PDE10A: variants seen among roughly 807,000 people sequenced by gnomAD.
PDE10A encodes cAMP and cAMP-inhibited cGMP 3',5'-cyclic phosphodiesterase 10A.
Under a neutral mutation model 97.7 loss-of-function variants are expected in PDE10A, and 39 were observed. That is an observed-to-expected ratio of 0.40 (90% confidence interval 0.31 to 0.52). The LOEUF (loss-of-function observed/expected upper bound fraction) is 0.52. Ranked by LOEUF, PDE10A falls within the 20% of genes least tolerant of loss-of-function variation. The pLI, the probability that PDE10A is intolerant of heterozygous loss-of-function variation, is 0.56. For synonymous variants in PDE10A, 371 were observed against 376.8 expected (o/e 0.98, Z 0.18); for missense variants, 731 against 1,047.8 (o/e 0.70, Z 4.17).
intron 1 of PDE10A, among the ~76,000 whole-genome samples, chr6:165,674,215 G>A (rs1186406248): frequency 1.3e-5 from 2 of 152,008 alleles, no homozygotes; most frequent in Non-Finnish European, 2.9e-5. Flanking sequence ...TAAAATGGAA[G>A]CATGGAAACA....
At chr6:165,446,503 G>A (rs985144334) in intron 5 of PDE10A, among the ~76,000 whole-genome samples, 3 of 152,086 alleles carry the variant, frequency 2.0e-5, no homozygotes, top group Non-Finnish European at 4.4e-5. Flanking sequence ...TGCATAAAGG[G>A]CAAAATAGAG....
chr6:165,736,415 C>T (rs1440557180), intron 1 of PDE10A, among the ~76,000 whole-genome samples: 2 of 152,024 alleles, frequency 1.3e-5, no homozygotes, highest in African/African-American at 2.4e-5. Flanking sequence ...TGATGTCTCC[C>T]AAGCTCAGTG....
At chr6:165,392,099 C>T (rs1785762708) in intron 16 of PDE10A, among the ~76,000 whole-genome samples, 1 of 152,200 alleles carries the variant, frequency 6.6e-6, no homozygotes, top group African/African-American at 2.4e-5. Context: ...AAGTAAGGGA[C>T]TTTGACTGTG....
intron 1 of PDE10A, among the ~76,000 whole-genome samples, chr6:165,801,696 A>G (rs572851531): frequency 6.6e-6 from 1 of 152,330 alleles, no homozygotes; most frequent in Admixed American, 6.5e-5. Context: ...TTTCTAGTTA[A>G]TTCTCAGTAT....
At chr6:165,981,917 T>A (rs1337309020) in intron 1 of PDE10A, among the ~76,000 whole-genome samples, 1 of 152,198 alleles carries the variant, frequency 6.6e-6, no homozygotes, top group African/African-American at 2.4e-5. Context: ...GAAAGATCAA[T>A]CCAGCTGATG....
intron 2 of PDE10A, among the ~76,000 whole-genome samples, chr6:165,516,728 T>C (rs1176185114): frequency 6.6e-6 from 1 of 152,162 alleles, no homozygotes; most frequent in Non-Finnish European, 1.5e-5. Context: ...CCAAACAAAA[T>C]CACTAGGGAA....
chr6:165,552,218 C>T (rs1784052803), intron 1 of PDE10A, among the ~76,000 whole-genome samples: 1 of 152,194 alleles, frequency 6.6e-6, no homozygotes, highest in African/African-American at 2.4e-5. Flanking sequence ...GCCTCTTCAG[C>T]TAGACTATAA....
At chr6:165,898,844 G>T (rs1415067552) in intron 1 of PDE10A, among the ~76,000 whole-genome samples, 1 of 152,080 alleles carries the variant, frequency 6.6e-6, no homozygotes, top group Non-Finnish European at 1.5e-5. Flanking sequence ...TCCTCACTCG[G>T]CCAAGTGCTG....
intron 1 of PDE10A, among the ~76,000 whole-genome samples, chr6:165,846,884 G>A (rs1024011878): frequency 6.6e-6 from 1 of 152,148 alleles, no homozygotes; most frequent in Non-Finnish European, 1.5e-5. Flanking sequence ...CTTCTCTCAC[G>A]AAGCTCTCAG....
In PDE10A at chr6:165,478,882, T is replaced by C. The variant is rs137884932; in HGVS notation, c.1023+3433A>G. ...TCTGATAATAACTCTTTCAACTAAT[T>C]GCCCATCAGAAAATTTTTGAATCCG... On this transcript the variant is annotated intron_variant, in intron 3 of 21. Coordinates refer to ENST00000539869, the MANE Select transcript of PDE10A (RefSeq NM_001385079.1). Among the ~76,000 whole-genome samples, 905 of 152,340 alleles carry C rather than the reference T, an allele frequency of 5.9e-3. 8 individuals carry two copies. Among genetic ancestry groups the C allele is most frequent in the Middle Eastern group, 0.024 (7 of 294 alleles).
intron 1 of PDE10A, among the ~76,000 whole-genome samples, chr6:165,853,339 A>C (rs1318781147): frequency 6.6e-6 from 1 of 152,240 alleles, no homozygotes; most frequent in Non-Finnish European, 1.5e-5. Flanking sequence ...AGTTACATAA[A>C]GGATTTGATG....
intron 1 of PDE10A, among the ~76,000 whole-genome samples, chr6:165,648,509 G>A (rs1789521948): frequency 6.6e-6 from 1 of 151,984 alleles, no homozygotes; most frequent in African/African-American, 2.4e-5. Flanking sequence ...ATGGCATTTG[G>A]AAAACGTTTA....
At chr6:165,719,088 TC>T (rs1184444401) in intron 1 of PDE10A, among the ~76,000 whole-genome samples, 1 of 151,424 alleles carries the variant, frequency 6.6e-6, no homozygotes, top group Admixed American at 6.6e-5. Flanking sequence ...TTGAAGAAAT[TC>T]CCCAGAAAAT....
At chr6:165,610,347 T>C (rs955531732) in intron 1 of PDE10A, among the ~76,000 whole-genome samples, 1 of 151,942 alleles carries the variant, frequency 6.6e-6, no homozygotes, top group Non-Finnish European at 1.5e-5. Context: ...ATCGAGACCA[T>C]GGTGAAACCC....
chr6:165,387,207 C>G (rs751822125), intron 17 of PDE10A, among the ~76,000 whole-genome samples: 1 of 152,190 alleles, frequency 6.6e-6, no homozygotes, highest in Non-Finnish European at 1.5e-5. Context: ...TTGAAAATGA[C>G]TCAAATAGCT....
chr6:165,871,630 TG>T (rs1173967645), intron 1 of PDE10A, among the ~76,000 whole-genome samples: 8 of 152,296 alleles, frequency 5.3e-5, no homozygotes, highest in African/African-American at 1.9e-4. Flanking sequence ...TAAAGGGAGA[TG>T]TCTGGCGAAA....
chr6:165,932,008 C>T (rs1783151584), intron 1 of PDE10A, among the ~76,000 whole-genome samples: 1 of 152,176 alleles, frequency 6.6e-6, no homozygotes, highest in Non-Finnish European at 1.5e-5. Context: ...TGAGTGGAGG[C>T]ACAGCACAGC....
At chr6:165,961,456 C>G in intron 1 of PDE10A, among the ~76,000 whole-genome samples, 1 of 152,170 alleles carries the variant, frequency 6.6e-6, no homozygotes, top group East Asian at 1.9e-4. Flanking sequence ...CATGAGGTGG[C>G]GAATGGCATC....
At chr6:165,582,977 A>G (rs1785701539) in intron 1 of PDE10A, among the ~76,000 whole-genome samples, 1 of 152,188 alleles carries the variant, frequency 6.6e-6, no homozygotes. Context: ...AACAAAACAC[A>G]TCCATATGTG....
Sources: gnomAD v4.1 joint callset for allele counts (sites outside exome capture counted in the v4.1 genomes callset) on GRCh38, gnomAD v4.1.1 for gene constraint, MANE v1.5 for transcripts, NCBI Gene and HGNC (gene_info 2026-07-23, HGNC 2026-07-21) for gene names.